The following DZIP3 variants were observed in gnomAD, a reference collection of about 807,000 sequenced individuals.
DZIP3 encodes the protein DAZ interacting zinc finger protein 3.
In DZIP3, 118 loss-of-function variants were observed where a neutral mutation model predicts 162.0. The observed-to-expected ratio is 0.73, with a 90% CI of 0.63 to 0.85. The LOEUF is 0.85. Among genes scored for constraint, DZIP3 ranks in the 40% least tolerant of loss-of-function variants. The probability of loss-of-function intolerance (pLI) is 0.00; values close to 1 mark genes in which losing one functional copy is unlikely to be tolerated. For missense variants in DZIP3, 1,331 were observed against 1,407.0 expected (o/e 0.95, Z 0.86); for synonymous variants, 438 against 458.6 (o/e 0.96, Z 0.57).
At chr3:108,596,272 G>A (rs558686591) in intron 1 of DZIP3, among the ~76,000 whole-genome samples, 23 of 152,306 alleles carry the variant, frequency 1.5e-4, no homozygotes, top group Middle Eastern at 6.8e-3. Flanking sequence ...GTGGAGAGGG[G>A]CAGATACCTG....
In DZIP3 at chr3:108,674,096, C is replaced by G; in HGVS notation, c.2608C>G (p.Arg870Gly). 1 of 1,611,696 alleles carries G rather than the reference C, an allele frequency of 6.2e-7. No homozygotes were observed. The highest frequency in any genetic ancestry group is 8.5e-7 in the Non-Finnish European group (1 of 1,178,652). The change falls in exon 24 of 33, where the codon CGT (arginine) becomes GGT (glycine). Residue 870 changes from arginine (R) to glycine (G), a missense_variant. Coordinates refer to ENST00000361582, the MANE Select transcript of DZIP3 (RefSeq NM_014648.4). The stretch of plus-strand genomic sequence containing the variant: ...CCTGTAGGTGTATTTCTTACAGTGT[C>G]GTAGGGATTTTGGTTTGCTTCATCT... ...LTAEVYFLQC[R>G]RDFGLLHLEQ...
intron 22 of DZIP3, among the ~76,000 whole-genome samples, chr3:108,671,164 T>A (rs187904810): frequency 3.3e-5 from 5 of 152,004 alleles, no homozygotes; most frequent in Admixed American, 1.3e-4. Context: ...AACTTTTACA[T>A]AATATTTAAT....
chr3:108,630,363 C>T (rs955862327), intron 8 of DZIP3, among the ~76,000 whole-genome samples: 1 of 152,002 alleles, frequency 6.6e-6, no homozygotes, highest in South Asian at 2.1e-4. Flanking sequence ...TAAAGAGAGA[C>T]ATTTTATTAA....
intron 28 of DZIP3, 99 bp from the exon 29 acceptor site, chr3:108,687,877 C>G (rs1944550644): frequency 1.3e-6 from 2 of 1,492,540 alleles, no homozygotes; most frequent in African/African-American, 1.4e-5. Context: ...TGCTACATAT[C>G]AATCATGCGA....
At chr3:108,677,996 A>G (rs1236054023) in intron 26 of DZIP3, among the ~76,000 whole-genome samples, 3 of 151,996 alleles carry the variant, frequency 2.0e-5, no homozygotes, top group African/African-American at 7.2e-5. Flanking sequence ...GTGAAGAAGC[A>G]AAACTTTATC....
intron 16 of DZIP3, 22 bp downstream of exon 16, chr3:108,648,134 T>C: frequency 1.3e-6 from 2 of 1,571,628 alleles, no homozygotes; most frequent in Non-Finnish European, 8.6e-7. Flanking sequence ...CATTAATATT[T>C]GAGTTAGAAG....
chr3:108,667,655 A>T (rs1048784957), intron 21 of DZIP3, among the ~76,000 whole-genome samples: 1 of 152,158 alleles, frequency 6.6e-6, no homozygotes, highest in African/African-American at 2.4e-5. Flanking sequence ...GGGAAAGGAT[A>T]CATGGGTTCT....
At chr3:108,628,923 A>C in intron 7 of DZIP3, 139 bp from the exon 8 acceptor site, 1 of 540,220 alleles carries the variant, frequency 1.9e-6, no homozygotes, top group Non-Finnish European at 3.3e-6. Flanking sequence ...TGAGAGTGCT[A>C]GTATTTGTAT....
At chr3:108,602,623 A>C (rs1940086907) in intron 1 of DZIP3, among the ~76,000 whole-genome samples, 1 of 152,192 alleles carries the variant, frequency 6.6e-6, no homozygotes, top group Admixed American at 6.5e-5. Context: ...AACTAGATTT[A>C]CCTTTCTTTT....
chr3:108,685,515 A>C (rs1032232725), intron 27 of DZIP3, among the ~76,000 whole-genome samples: 1 of 152,150 alleles, frequency 6.6e-6, no homozygotes, highest in Non-Finnish European at 1.5e-5. Flanking sequence ...TATCTTAGTA[A>C]TCAGATGAGC....
At chr3:108,607,727 CCTG>C (rs1194731670) in intron 2 of DZIP3, among the ~76,000 whole-genome samples, 1 of 152,154 alleles carries the variant, frequency 6.6e-6, no homozygotes, top group Non-Finnish European at 1.5e-5. Context: ...CTCTCCCTAA[CCTG>C]TAATATCTTC....
intron 21 of DZIP3, among the ~76,000 whole-genome samples, chr3:108,665,453 A>G (rs550427117): frequency 8.5e-5 from 13 of 152,292 alleles, no homozygotes; most frequent in African/African-American, 2.6e-4. Flanking sequence ...GAAAAAAATT[A>G]AAAAGAGTCT....
chr3:108,609,044 C>T (rs1055280220), intron 3 of DZIP3, among the ~76,000 whole-genome samples: 4 of 152,084 alleles, frequency 2.6e-5, no homozygotes, highest in Admixed American at 2.0e-4. Flanking sequence ...GTGCCACACA[C>T]TTTTAAACAA....
At chr3:108,665,279 A>G (rs1943620962) in intron 21 of DZIP3, among the ~76,000 whole-genome samples, 1 of 152,224 alleles carries the variant, frequency 6.6e-6, no homozygotes, top group South Asian at 2.1e-4. Context: ...ATAAGTTATA[A>G]TAAAGAATGA....
At chr3:108,624,308 T>G in intron 5 of DZIP3, 136 bp from the exon 6 acceptor site, 1 of 571,730 alleles carries the variant, frequency 1.7e-6, no homozygotes, top group Non-Finnish European at 3.1e-6. Flanking sequence ...TCGTTATTAT[T>G]AGATGACTGA....
At position 108,593,620 on chromosome 3, in the gene DZIP3, T is replaced by A. The variant is rs565100407; in HGVS notation, c.-73+3781T>A. Among the ~76,000 whole-genome samples, 4 of 152,134 alleles carry A rather than the reference T, an allele frequency of 2.6e-5. No individual in the cohort carries two copies. In the South Asian group the frequency reaches 8.3e-4, roughly 32 times the overall value. On this transcript the variant is annotated intron_variant, in intron 1 of 32. Coordinates refer to ENST00000361582, the MANE Select transcript of DZIP3 (RefSeq NM_014648.4). ...CAGCTGTCTTGTAAAATCATTAAGC[T>A]TGATAGCTTATTTAGTGGTAGATGG...
intron 23 of DZIP3, 140 bp downstream of exon 23, chr3:108,672,796 T>C: frequency 2.9e-6 from 2 of 687,726 alleles, no homozygotes; most frequent in South Asian, 4.2e-5. Context: ...AAAATACAGT[T>C]GAAAGTCTTG....
chr3:108,656,060 C>T (rs571554601), intron 19 of DZIP3, among the ~76,000 whole-genome samples: 1 of 152,326 alleles, frequency 6.6e-6, no homozygotes, highest in East Asian at 1.9e-4. Flanking sequence ...TAGACTCCAC[C>T]TCTGGGGGCA....
intron 23 of DZIP3, among the ~76,000 whole-genome samples, chr3:108,673,664 A>G (rs920656319): frequency 8.6e-5 from 13 of 151,892 alleles, no homozygotes; most frequent in African/African-American, 2.9e-4. Context: ...CTCTTCATCA[A>G]TGACAAAAGA....
Sources: gnomAD v4.1 joint callset for allele counts (sites outside exome capture counted in the v4.1 genomes callset) on GRCh38, gnomAD v4.1.1 for gene constraint, MANE v1.5 for transcripts, NCBI Gene and HGNC (gene_info 2026-07-23, HGNC 2026-07-21) for gene names.